SLC10A7: variants seen among roughly 807,000 people sequenced by gnomAD.
SLC10A7 encodes the protein sodium/bile acid cotransporter 7.
Under a neutral mutation model 43.2 loss-of-function variants are expected in SLC10A7, and 29 were observed. The observed-to-expected ratio is 0.67, with a 90% CI of 0.50 to 0.92. SLC10A7 has a LOEUF of 0.92. Among genes scored for constraint, SLC10A7 ranks in the 40% least tolerant of loss-of-function variants. The pLI, the probability that SLC10A7 is intolerant of heterozygous loss-of-function variation, is 0.00. For synonymous variants in SLC10A7, 152 were observed against 144.8 expected (o/e 1.05, Z -0.35); for missense variants, 295 against 403.2 (o/e 0.73, Z 2.30).
chr4:146,373,799 C>T (rs1435601585), intron 5 of SLC10A7, among the ~76,000 whole-genome samples: 1 of 151,918 alleles, frequency 6.6e-6, no homozygotes, highest in African/African-American at 2.4e-5. Context: ...TTTAAACCAC[C>T]CAAGTTATTT....
chr4:146,370,561 C>G (rs1736699200), intron 5 of SLC10A7, among the ~76,000 whole-genome samples: 1 of 152,148 alleles, frequency 6.6e-6, no homozygotes, highest in Admixed American at 6.6e-5. Context: ...AAGGTCAAAT[C>G]AGATTGTCTG....
rs1402655676 is a variant in SLC10A7 at position 146,324,983 on chromosome 4, GT to G, written c.471+977del. On this transcript the variant is annotated intron_variant, in intron 6 of 11. Coordinates refer to ENST00000335472, the MANE Select transcript of SLC10A7 (RefSeq NM_001029998.6). Reference sequence around the variant, plus strand: ...TTCATGAAAGATGTGGAATCCAACTGTTTAGTAGTATATCTATCCCTCCCTA... The same window carrying G: ...TTCATGAAAGATGTGGAATCCAACTGTTAGTAGTATATCTATCCCTCCCTA... Among the ~76,000 whole-genome samples the G allele has an allele frequency of 2.0e-5, 3 of 152,178 alleles. No homozygotes were observed. The East Asian group carries it at 5.8e-4, about 29-fold the overall frequency.
intron 9 of SLC10A7, among the ~76,000 whole-genome samples, chr4:146,289,097 T>C (rs1489717103): frequency 6.6e-6 from 1 of 152,244 alleles, no homozygotes; most frequent in African/African-American, 2.4e-5. Context: ...TGTTAACCTC[T>C]GTACCTGTGT....
intron 9 of SLC10A7, among the ~76,000 whole-genome samples, chr4:146,288,179 A>T (rs1560765982): frequency 6.6e-6 from 1 of 152,176 alleles, no homozygotes; most frequent in Non-Finnish European, 1.5e-5. Flanking sequence ...GGGAACATTT[A>T]AGGTTAAAAA....
chr4:146,321,831 T>C (rs1481906573), intron 6 of SLC10A7, among the ~76,000 whole-genome samples: 1 of 152,154 alleles, frequency 6.6e-6, no homozygotes, highest in Non-Finnish European at 1.5e-5. Flanking sequence ...GCTCAGTAAA[T>C]GAGGCCTCGT....
chr4:146,483,304 T>C (rs1419702813), intron 4 of SLC10A7, among the ~76,000 whole-genome samples: 1 of 152,082 alleles, frequency 6.6e-6, no homozygotes, highest in African/African-American at 2.4e-5. Context: ...ATACACAACA[T>C]TAGAAGATGT....
intron 9 of SLC10A7, among the ~76,000 whole-genome samples, chr4:146,290,938 A>G (rs1274882494): frequency 6.6e-6 from 1 of 152,188 alleles, no homozygotes; most frequent in Non-Finnish European, 1.5e-5. Flanking sequence ...ATAAGCAAGA[A>G]AAGAAGGATT....
chr4:146,322,535 T>C (rs1191474107), intron 6 of SLC10A7, among the ~76,000 whole-genome samples: 2 of 151,998 alleles, frequency 1.3e-5, no homozygotes, highest in Non-Finnish European at 2.9e-5. Flanking sequence ...CATGTCCCCC[T>C]ACAAAGGACA....
At chr4:146,356,617 TTCTTGCTGTTA>T (rs1735664688) in intron 5 of SLC10A7, among the ~76,000 whole-genome samples, 2 of 152,096 alleles carry the variant, frequency 1.3e-5, no homozygotes, top group African/African-American at 4.8e-5. Flanking sequence ...CCTCTACTTC[TTCTTGCTGTTA>T]TCTTGCTTTA....
At chr4:146,355,977 C>G (rs939231490) in intron 5 of SLC10A7, among the ~76,000 whole-genome samples, 4 of 149,052 alleles carry the variant, frequency 2.7e-5, no homozygotes, top group Non-Finnish European at 5.9e-5. Flanking sequence ...CAGCATGGCA[C>G]ATGTATACAT....
chr4:146,322,387 AG>A (rs1322724088), intron 6 of SLC10A7, among the ~76,000 whole-genome samples: 1 of 98,514 alleles, frequency 1.0e-5, no homozygotes, highest in Admixed American at 1.5e-4. Flanking sequence ...ACCCCATAAC[AG>A]GCCCCAGTGT....
chr4:146,399,425 G>A (rs960650751), intron 5 of SLC10A7, among the ~76,000 whole-genome samples: 2 of 152,106 alleles, frequency 1.3e-5, no homozygotes, highest in Admixed American at 6.5e-5. Flanking sequence ...CAATGTAAAC[G>A]TTTATATTAT....
intron 4 of SLC10A7, among the ~76,000 whole-genome samples, chr4:146,452,002 A>G (rs1354939708): frequency 6.6e-6 from 1 of 152,094 alleles, no homozygotes; most frequent in South Asian, 2.1e-4. Flanking sequence ...GTATATGAGA[A>G]AAATAAGTCC....
At position 146,316,933 on chromosome 4, in the gene SLC10A7, T is replaced by C. The variant is rs75005545; in HGVS notation, c.471+9028A>G. Among the ~76,000 whole-genome samples, 309 of 152,228 alleles carry C rather than the reference T, an allele frequency of 2.0e-3. 1 individual carries two copies. In the East Asian group the frequency reaches 0.02, roughly 10 times the overall value. ...GCTTGGCTCTTTACAGTTTACAATATGCTTCCACAAAAATTAACTCATTTC... is the reference window on the plus strand; with the variant it reads ...GCTTGGCTCTTTACAGTTTACAATACGCTTCCACAAAAATTAACTCATTTC... On this transcript the variant is annotated intron_variant, in intron 6 of 11. Coordinates refer to ENST00000335472, the MANE Select transcript of SLC10A7 (RefSeq NM_001029998.6).
intron 5 of SLC10A7, among the ~76,000 whole-genome samples, chr4:146,430,355 A>G (rs1271526917): frequency 6.6e-6 from 1 of 152,208 alleles, no homozygotes; most frequent in Non-Finnish European, 1.5e-5. Flanking sequence ...ATCTTACAAC[A>G]TTGTGTGGAT....
rs1375336611 is a variant in SLC10A7, at chr4:146,322,538, A to G, written c.471+3423T>C. Among the ~76,000 whole-genome samples the G allele has an allele frequency of 3.3e-5, 5 of 152,034 alleles. No homozygotes were observed. In the East Asian group the frequency reaches 9.6e-4, roughly 29 times the overall value. On this transcript the variant is annotated intron_variant, in intron 6 of 11. Transcript: ENST00000335472. ...TCCAGCTTCATCCATGTCCCCCTAC[A>G]AAGGACATGAATTCATCATTTTTTA...
At chr4:146,338,822 C>T (rs1029018958) in intron 5 of SLC10A7, among the ~76,000 whole-genome samples, 18 of 151,950 alleles carry the variant, frequency 1.2e-4, no homozygotes, top group Non-Finnish European at 2.4e-4. Context: ...AGCAACAAAA[C>T]AAAACAAAAC....
intron 10 of SLC10A7, among the ~76,000 whole-genome samples, chr4:146,275,384 C>A (rs936845904): frequency 1.1e-4 from 16 of 152,092 alleles, no homozygotes; most frequent in African/African-American, 3.6e-4. Context: ...GCCAGTGGAC[C>A]ACAGGGTTGA....
Position 146,284,674 on chromosome 4 carries a change from T to C in SLC10A7, c.774-1409A>G, listed in dbSNP as rs550050302. On this transcript the variant is annotated intron_variant, in intron 9 of 11. Transcript: ENST00000335472. Reference sequence around the variant, plus strand: ...CATGGATGCATATCATATACTCTTATTGAGTATAATAAGACTGGCTTAATT... The same window carrying C: ...CATGGATGCATATCATATACTCTTACTGAGTATAATAAGACTGGCTTAATT... Among the ~76,000 whole-genome samples the C allele has an allele frequency of 1.3e-4, 20 of 152,344 alleles. No homozygotes were observed. In the South Asian group the frequency reaches 4.1e-3, roughly 32 times the overall value.
Sources: gnomAD v4.1 joint callset for allele counts (sites outside exome capture counted in the v4.1 genomes callset) on GRCh38, gnomAD v4.1.1 for gene constraint, MANE v1.5 for transcripts, NCBI Gene and HGNC (gene_info 2026-07-23, HGNC 2026-07-21) for gene names.